ATP11C: variants seen among roughly 807,000 people sequenced by gnomAD.
ATP11C encodes phospholipid-transporting ATPase IG.
A neutral mutation model predicts 97.4 loss-of-function variants in ATP11C; 36 were observed. That is an observed-to-expected ratio of 0.37 (90% CI 0.28 to 0.49). The LOEUF is 0.49. ATP11C is among the 20% of genes least tolerant of loss of function. The pLI is 0.98. For missense variants in ATP11C, 730 were observed against 824.6 expected, an observed-to-expected ratio of 0.89 and a Z score of 1.40; for synonymous variants, 275 against 290.9, an observed-to-expected ratio of 0.95 and a Z score of 0.56.
intron 25 of ATP11C, among the ~76,000 whole-genome samples, chrX:139,743,947 A>T (rs2081624892): frequency 8.9e-6 from 1 of 112,335 alleles, no homozygotes; most frequent in African/African-American, 3.2e-5. Flanking sequence ...TCATCAAAAC[A>T]AGTCATTTGG....
chrX:139,874,384 GTGAGA>G (rs1389625441), intron 1 of ATP11C, among the ~76,000 whole-genome samples: 1 of 110,016 alleles, frequency 9.1e-6, no homozygotes, highest in Non-Finnish European at 1.9e-5. Flanking sequence ...TACCAGTTCT[GTGAGA>G]TAATACCTGT....
At chrX:139,811,194 T>C (rs2083168317) in intron 5 of ATP11C, among the ~76,000 whole-genome samples, 1 of 111,745 alleles carries the variant, frequency 8.9e-6, no homozygotes, top group Non-Finnish European at 1.9e-5. Context: ...TTAAAAATAA[T>C]AGTGTCTTCA....
At chrX:139,887,158 A>T (rs1171288821) in intron 1 of ATP11C, among the ~76,000 whole-genome samples, 2 of 112,254 alleles carry the variant, frequency 1.8e-5, no homozygotes, top group African/African-American at 6.5e-5. Flanking sequence ...ATCTATATTC[A>T]AAAAATGAAT....
Position 139,731,864 on chromosome X carries a change from C to A in ATP11C, c.3289-109G>T, listed in dbSNP as rs1212028090. The A allele has an allele frequency of 1.8e-5, 6 of 342,462 alleles. No homozygotes were observed. In the East Asian group the frequency reaches 2.6e-4, roughly 15 times the overall value. The allele number at this position is 342,462 out of a possible 1,213,427, so 28.2% of individuals were successfully genotyped here. On this transcript the variant is annotated intron_variant, in intron 28 of 29. Transcript: ENST00000682941. ...GAAAAAAATCATTTCCTATAGACTACTCCTCTGGCCAAAAGTACAAATGAT... is the reference window on the plus strand; with the variant it reads ...GAAAAAAATCATTTCCTATAGACTAATCCTCTGGCCAAAAGTACAAATGAT...
intron 1 of ATP11C, among the ~76,000 whole-genome samples, chrX:139,911,119 CAG>C (rs1282026414): frequency 4.5e-5 from 5 of 110,225 alleles, no homozygotes; most frequent in Non-Finnish European, 7.6e-5. Flanking sequence ...AAGAAAAAGA[CAG>C]AAAAATTTAA....
rs760975793 is a variant in ATP11C at position 139,913,477 on chromosome X, C to T, written c.27+18539G>A. Reference sequence around the variant, plus strand: ...TGAGCCCAAGCTAAGCCATCATATCCCCCTGTGACCTGTAGGTATACATCC... The same window carrying T: ...TGAGCCCAAGCTAAGCCATCATATCTCCCTGTGACCTGTAGGTATACATCC... On this transcript the variant is annotated intron_variant, in intron 1 of 29. Transcript: ENST00000682941. Among the ~76,000 whole-genome samples the T allele has an allele frequency of 1.5e-4, 17 of 111,448 alleles. No homozygotes were observed. In the East Asian group the frequency reaches 4.5e-3, roughly 30 times the overall value.
chrX:139,739,404 C>T (rs1304409853), intron 27 of ATP11C, among the ~76,000 whole-genome samples: 1 of 109,929 alleles, frequency 9.1e-6, no homozygotes, highest in African/African-American at 3.3e-5. Context: ...ATTCTCACTA[C>T]CCAACCCCAA....
chrX:139,916,179 A>C (rs2085153208), intron 1 of ATP11C, among the ~76,000 whole-genome samples: 1 of 105,671 alleles, frequency 9.5e-6, no homozygotes, highest in Non-Finnish European at 1.9e-5. Context: ...CAGTGAGCCG[A>C]GATCACACCA....
At chrX:139,912,707 C>A (rs759838641) in intron 1 of ATP11C, among the ~76,000 whole-genome samples, 1 of 104,595 alleles carries the variant, frequency 9.6e-6, no homozygotes, top group East Asian at 3.1e-4. Context: ...AACATGGATT[C>A]TATAAATCCA....
At chrX:139,748,096 A>C (rs1002246462) in intron 24 of ATP11C, among the ~76,000 whole-genome samples, 2 of 112,226 alleles carry the variant, frequency 1.8e-5, no homozygotes, top group African/African-American at 6.5e-5. Context: ...TGTTCAGCAC[A>C]GCTCTGAAGG....
intron 1 of ATP11C, among the ~76,000 whole-genome samples, chrX:139,913,658 C>A (rs766568532): frequency 1.8e-5 from 2 of 111,202 alleles, no homozygotes; most frequent in Non-Finnish European, 3.8e-5. Context: ...CCGCCCCTAC[C>A]GGCCAGAGAA....
chrX:139,918,913 TG>T (rs1466063239), intron 1 of ATP11C, among the ~76,000 whole-genome samples: 2 of 110,943 alleles, frequency 1.8e-5, no homozygotes, highest in Non-Finnish European at 3.8e-5. Context: ...TAAAGAAAGA[TG>T]GTAAGTTTTA....
At chrX:139,796,917 GA>G (rs201123102) in intron 11 of ATP11C, among the ~76,000 whole-genome samples, 2 of 109,325 alleles carry the variant, frequency 1.8e-5, no homozygotes, top group African/African-American at 6.6e-5. Context: ...TAAAGTAAAA[GA>G]AAAAAAACTC....
intron 1 of ATP11C, among the ~76,000 whole-genome samples, chrX:139,828,560 A>G (rs1332992152): frequency 3.6e-5 from 4 of 111,916 alleles, no homozygotes; most frequent in Non-Finnish European, 7.5e-5. Flanking sequence ...TAATGTACCA[A>G]TTTGAATTAC....
chrX:139,727,322 T>C lies in ATP11C; in HGVS notation c.*1644A>G, dbSNP rs1434139440. 1 of 112,172 alleles carries C rather than the reference T, an allele frequency of 8.9e-6. No homozygotes were observed. The highest frequency in any genetic ancestry group is 1.9e-5 in the Non-Finnish European group (1 of 53,126). 9.2% of individuals were successfully genotyped at this position (112,172 alleles called of 1,213,427 possible). On this transcript the variant is annotated 3_prime_UTR_variant, in exon 30 of 30. Transcript: ENST00000682941. ...GAATAGGCAAAGAATATAGAGACTT[T>C]TGTTTTCAGCAGCTTACCTCAAATA...
intron 24 of ATP11C, 118 bp from the exon 25 acceptor site, chrX:139,745,975 G>A: frequency 2.5e-6 from 2 of 788,822 alleles, no homozygotes; most frequent in Non-Finnish European, 1.8e-6. Flanking sequence ...TACCCTTAAT[G>A]GCCTGACAGA....
chrX:139,837,190 CAGTAGTT>C (rs1223962522), intron 1 of ATP11C, among the ~76,000 whole-genome samples: 3 of 112,026 alleles, frequency 2.7e-5, no homozygotes, highest in Non-Finnish European at 5.6e-5. Context: ...ATAAGACAAA[CAGTAGTT>C]AGAAGTTCTA....
intron 1 of ATP11C, chrX:139,924,299 G>A: frequency 2.8e-6 from 1 of 360,875 alleles, no homozygotes; most frequent in Non-Finnish European, 5.7e-6. Flanking sequence ...ATGACAGTAT[G>A]AAAAGGAATG....
At chrX:139,854,100 G>T (rs913897034) in intron 1 of ATP11C, among the ~76,000 whole-genome samples, 1 of 111,519 alleles carries the variant, frequency 9.0e-6, no homozygotes, top group Non-Finnish European at 1.9e-5. Flanking sequence ...TTCAGTAATT[G>T]ACAGGGAAAC....
Sources: allele counts gnomAD v4.1 joint callset (sites outside exome capture counted in the v4.1 genomes callset), GRCh38; gene constraint gnomAD v4.1.1; transcripts MANE v1.5; gene names NCBI Gene and HGNC (gene_info 2026-07-23, HGNC 2026-07-21).